Variants in TPO observed in about 807,000 individuals in gnomAD.
The protein encoded by TPO is thyroid microsomal antigen.
In TPO, 78 loss-of-function variants were observed where a neutral mutation model predicts 96.9. That is an observed-to-expected ratio of 0.81 (90% confidence interval 0.67 to 0.97). TPO has a LOEUF of 0.97. Ranked by LOEUF, TPO falls within the 50% of genes least tolerant of loss-of-function variation. The pLI, the probability that TPO is intolerant of heterozygous loss-of-function variation, is 0.00. For synonymous variants in TPO, 547 were observed against 538.0 expected (o/e 1.02, Z -0.23); for missense variants, 1,252 against 1,274.8 (o/e 0.98, Z 0.27).
intron 16 of TPO, chr2:1,541,088 A>T: frequency 1.6e-6 from 2 of 1,213,406 alleles, no homozygotes; most frequent in Non-Finnish European, 2.1e-6. Flanking sequence ...GAATAGTTAT[A>T]ATCAGTGTGG....
At chr2:1,530,234 C>G (rs78349329) in intron 15 of TPO, among the ~76,000 whole-genome samples, 1 of 14,814 alleles carries the variant, frequency 6.8e-5, no homozygotes, top group African/African-American at 4.4e-4. Flanking sequence ...TAGTCCCCCA[C>G]TGTGTGCACC....
chr2:1,477,822 A>G, intron 8 of TPO: 1 of 985,396 alleles, frequency 1.0e-6, no homozygotes, highest in Non-Finnish European at 1.2e-6. Flanking sequence ...GCTCCTGTGC[A>G]GGGGCCGAAG....
chr2:1,476,932 G>T (rs558734210), intron 7 of TPO, among the ~76,000 whole-genome samples, 154 bp from the exon 8 acceptor site: 3 of 152,266 alleles, frequency 2.0e-5, no homozygotes, highest in African/African-American at 7.2e-5. Flanking sequence ...GCCGGGGGGG[G>T]AGGTGAGGGG....
intron 5 of TPO, among the ~76,000 whole-genome samples, chr2:1,443,321 A>G (rs1231800575): frequency 8.0e-5 from 12 of 149,790 alleles, no homozygotes; most frequent in Non-Finnish European, 1.8e-4. Flanking sequence ...TCTTGTTTGT[A>G]TGACCCAGTC....
chr2:1,454,273 G>A lies in TPO; in HGVS notation c.612+450G>A, dbSNP rs566282780. Among the ~76,000 whole-genome samples the A allele has an allele frequency of 3.9e-5, 6 of 152,218 alleles. No homozygotes were observed. In the East Asian group the frequency reaches 9.7e-4, roughly 25 times the overall value. On this transcript the variant is annotated intron_variant, in intron 6 of 16. Coordinates refer to ENST00000329066, the MANE Select transcript of TPO (RefSeq NM_001206744.2). ...TACTGGTCTATTTGGTCAAAAAATG[G>A]GTCATTTTGCCTGTAATTTAACTAC...
upstream of TPO, among the ~76,000 whole-genome samples, chr2:1,410,730 G>A (rs927906675): frequency 2.6e-5 from 4 of 152,148 alleles, no homozygotes; most frequent in East Asian, 7.8e-4. Flanking sequence ...TTGTAGCAGG[G>A]CCCTGCATTC....
rs867884345 is a variant in TPO at position 1,531,338 on chromosome 2, C to T, written c.2619-9256C>T. 2.9e-4 allele frequency among the ~76,000 whole-genome samples: 32 copies of T among 109,322 alleles called. 1 individual carries two copies. Among genetic ancestry groups the T allele is most frequent in the Admixed American group, 4.6e-4 (5 of 10,966 alleles). 71.7% of individuals were successfully genotyped at this position (109,322 alleles called of 152,430 possible). ...AACTGTGTTCAACCTCCCCAAATCC[C>T]TCCCACTGTGTGCAGCCTCCCCAAA... On this transcript the variant is annotated intron_variant, in intron 15 of 16. Transcript: ENST00000329066.
intron 1 of TPO, among the ~76,000 whole-genome samples, chr2:1,397,062 C>T (rs769526572): frequency 6.6e-6 from 1 of 152,174 alleles, no homozygotes; most frequent in Non-Finnish European, 1.5e-5. Context: ...TATCAAGGCT[C>T]ATTTTCGTCA....
At chr2:1,508,879 A>G (rs902735860) in intron 14 of TPO, among the ~76,000 whole-genome samples, 1 of 151,976 alleles carries the variant, frequency 6.6e-6, no homozygotes. Context: ...ATGTATCTCT[A>G]TTTCCTTCAG....
At chr2:1,463,747 T>C (rs1031827700) in intron 7 of TPO, among the ~76,000 whole-genome samples, 4 of 152,272 alleles carry the variant, frequency 2.6e-5, no homozygotes, top group South Asian at 2.1e-4. Context: ...TTCCACTGGG[T>C]GCTGCAAACC....
At chr2:1,455,335 C>T (rs1386184521) in intron 6 of TPO, among the ~76,000 whole-genome samples, 4 of 152,136 alleles carry the variant, frequency 2.6e-5, no homozygotes, top group Non-Finnish European at 4.4e-5. Context: ...GATTCATATC[C>T]AGTCCACATG....
intron 15 of TPO, among the ~76,000 whole-genome samples, chr2:1,524,366 T>A (rs1675926044): frequency 8.6e-6 from 1 of 115,642 alleles, no homozygotes; most frequent in Non-Finnish European, 1.7e-5. Context: ...CTCCACTCTG[T>A]TCAACCTCCC....
At chr2:1,471,439 G>T (rs1669401080) in intron 7 of TPO, among the ~76,000 whole-genome samples, 1 of 146,258 alleles carries the variant, frequency 6.8e-6, no homozygotes, top group African/African-American at 2.7e-5. Context: ...ATTTTCCTGT[G>T]ACCCCCCCCC....
Position 1,477,301 on chromosome 2 carries a change from T to C in TPO, c.1035T>C (p.Ser345=), listed in dbSNP as rs1307546596. The C allele has an allele frequency of 2.5e-6, 4 of 1,586,550 alleles. No individual in the cohort carries two copies. In the East Asian group the frequency reaches 6.9e-5, roughly 27 times the overall value. ...ALERQLRNWT[S]AEGLLRVHAR... is the part of the protein sequence containing the mutation. Reference sequence around the variant, plus strand: ...AGAGGCAGCTGCGGAACTGGACCAGTGCCGAAGGGCTGCTCCGCGTCCACG... The same window carrying C: ...AGAGGCAGCTGCGGAACTGGACCAGCGCCGAAGGGCTGCTCCGCGTCCACG... The change falls in exon 8 of 17, where the codon AGT becomes AGC. Residue 345 remains serine, a synonymous_variant. Coordinates refer to ENST00000329066, the MANE Select transcript of TPO (RefSeq NM_001206744.2).
At chr2:1,394,831 C>T (rs866713716) in intron 1 of TPO, among the ~76,000 whole-genome samples, 4 of 152,060 alleles carry the variant, frequency 2.6e-5, no homozygotes, top group Non-Finnish European at 4.4e-5. Context: ...GTTTGCAAGC[C>T]GCATTGGATG....
intron 4 of TPO, among the ~76,000 whole-genome samples, chr2:1,434,224 G>A (rs991261623): frequency 2.0e-5 from 3 of 152,182 alleles, no homozygotes; most frequent in African/African-American, 4.8e-5. Context: ...AGTCATATTG[G>A]TGCTTCCTAT....
intron 3 of TPO, among the ~76,000 whole-genome samples, chr2:1,427,150 T>A (rs900500612): frequency 6.6e-6 from 1 of 151,962 alleles, no homozygotes; most frequent in Non-Finnish European, 1.5e-5. Context: ...CATAGAGCAA[T>A]GGAAAGGAGA....
intron 14 of TPO, among the ~76,000 whole-genome samples, chr2:1,506,922 C>G (rs1294704034): frequency 6.6e-6 from 1 of 151,952 alleles, no homozygotes; most frequent in Non-Finnish European, 1.5e-5. Context: ...GCTTTTGTTG[C>G]CATTGCTTTT....
At chr2:1,478,468 T>TG (rs1670202416) in intron 8 of TPO, 1 of 928,440 alleles carries the variant, frequency 1.1e-6, no homozygotes, top group Non-Finnish European at 1.3e-6. Context: ...GCACAGGGGC[T>TG]GTGTGTGGCA....
Sources: gnomAD v4.1 joint callset for allele counts (sites outside exome capture counted in the v4.1 genomes callset) on GRCh38, gnomAD v4.1.1 for gene constraint, MANE v1.5 for transcripts, NCBI Gene and HGNC (gene_info 2026-07-23, HGNC 2026-07-21) for gene names.